The following GABBR2 variants were observed in gnomAD, a reference collection of about 807,000 sequenced individuals.
The protein encoded by GABBR2 is gamma-aminobutyric acid type B receptor subunit 2.
In GABBR2, 23 loss-of-function variants were observed where a neutral mutation model predicts 105.6. That is an observed-to-expected ratio of 0.22 (90% CI 0.16 to 0.31). GABBR2 has a LOEUF of 0.31. Ranked by LOEUF, GABBR2 falls within the 10% of genes least tolerant of loss-of-function variation. The pLI is 1.00. For missense variants in GABBR2, 734 were observed against 1,245.5 expected, an observed-to-expected ratio of 0.59 and a Z score of 6.18; for synonymous variants, 478 against 499.7, an observed-to-expected ratio of 0.96 and a Z score of 0.58.
chr9:98,376,345 G>A (rs1282893396), intron 11 of GABBR2, among the ~76,000 whole-genome samples: 7 of 152,152 alleles, frequency 4.6e-5, no homozygotes, highest in African/African-American at 7.2e-5. Context: ...GCTGTGCTCC[G>A]GGTCTCCTTG....
At chr9:98,613,988 G>C (rs999280089) in intron 1 of GABBR2, among the ~76,000 whole-genome samples, 3 of 152,068 alleles carry the variant, frequency 2.0e-5, no homozygotes, top group African/African-American at 7.2e-5. Context: ...GATAGAACAG[G>C]TATTAGTGGG....
Sources: gnomAD v4.1 joint callset for allele counts (sites outside exome capture counted in the v4.1 genomes callset) on GRCh38, gnomAD v4.1.1 for gene constraint, MANE v1.5 for transcripts, NCBI Gene and HGNC (gene_info 2026-07-23, HGNC 2026-07-21) for gene names.